The following PSTK variants were observed in gnomAD, a reference collection of about 807,000 sequenced individuals.
PSTK encodes L-seryl-tRNA(Sec) kinase.
PSTK carries 26 observed loss-of-function variants against 38.6 expected under a neutral mutation model. That is an observed-to-expected ratio of 0.67 (90% CI 0.49 to 0.94). PSTK has a LOEUF of 0.94. Among genes scored for constraint, PSTK ranks in the 40% least tolerant of loss-of-function variants. The probability of loss-of-function intolerance (pLI) is 0.00; values close to 1 mark genes in which losing one functional copy is unlikely to be tolerated. For synonymous variants in PSTK, 181 were observed against 161.7 expected (o/e 1.12, Z -0.91); for missense variants, 445 against 436.3 (o/e 1.02, Z -0.18).
chr10:122,988,317 TG>T (rs1037975486), intron 5 of PSTK, among the ~76,000 whole-genome samples: 1 of 151,974 alleles, frequency 6.6e-6, no homozygotes, highest in Non-Finnish European at 1.5e-5. Flanking sequence ...TGGGGGATTG[TG>T]GGGGGTAGGG....
chr10:122,990,242 T>C lies in PSTK; in HGVS notation c.946T>C (p.Leu316=). The part of the protein sequence containing the change: ...EELNKLKAEF[L]EDLKQGNKKY... ...ACTTAACAAGCTCAAAGCAGAGTTT[T>C]TGGAAGACCTAAAACAAGGAAACAA... The change falls in exon 6 of 6, where the codon TTG becomes CTG. Residue 316 remains leucine, a synonymous_variant. Coordinates refer to ENST00000406217, the MANE Select transcript of PSTK (RefSeq NM_001363531.2). 6.5e-7 allele frequency: 1 copy of C among 1,543,268 alleles called. No individual in the cohort carries two copies. The highest frequency in any genetic ancestry group is 2.5e-5 in the East Asian group (1 of 40,678).
chr10:122,982,981 T>C lies in PSTK; in HGVS notation c.465T>C (p.Tyr155=), dbSNP rs1848984881. Residue 155 remains tyrosine (Y), a synonymous_variant, in exon 2 of 6, where the codon TAT becomes TAC. Transcript: ENST00000406217. ...PLFLVLDDNF[Y]YQSMRYEVYQ... ...TTTTGGTTTTGGATGACAATTTTTA[T>C]TATCAGAGTATGAGATATGAAGTCT... 6.2e-7 allele frequency: 1 copy of C among 1,614,110 alleles called. No homozygotes were observed. The highest frequency in any genetic ancestry group is 1.1e-5 in the South Asian group (1 of 91,092).
rs144745223 is a variant in PSTK at position 122,988,773 on chromosome 10, C to T, written c.878-1401C>T. On this transcript the variant is annotated intron_variant, in intron 5 of 5. Transcript: ENST00000406217. ...ATGTTAGGAATGTCAGATGGTACAGCTGCTTTGGAAAACAGCTAGCAGTCC... is the reference window on the plus strand; with the variant it reads ...ATGTTAGGAATGTCAGATGGTACAGTTGCTTTGGAAAACAGCTAGCAGTCC... 1.8e-3 allele frequency among the ~76,000 whole-genome samples: 270 copies of T among 152,290 alleles called. 2 individuals carry two copies. The highest frequency in any genetic ancestry group is 5.2e-3 in the African/African-American group (216 of 41,552).
chr10:122,980,557 C>T lies in PSTK; in HGVS notation c.78C>T (p.Leu26=), dbSNP rs1452602446. The part of the protein sequence containing the change: ...RKRGLCVLCG[L]PAAGKSTFAR... ...GAGGCCTCTGCGTCCTCTGTGGCCT[C>T]CCCGCGGCAGGAAAATCGACTTTCG... The change falls in exon 1 of 6, where the codon CTC becomes CTT. Residue 26 remains leucine (L), a synonymous_variant. Coordinates refer to ENST00000406217, the MANE Select transcript of PSTK (RefSeq NM_001363531.2). This position sits in a 1 kb window ranked among gnomAD's most constrained non-coding sequence, Gnocchi z 4.3. 6.2e-7 allele frequency: 1 copy of T among 1,611,860 alleles called. No individual in the cohort carries two copies. Among genetic ancestry groups the T allele is most frequent in the Non-Finnish European group, 8.5e-7 (1 of 1,179,626 alleles).
rs1564730135 is a variant in PSTK, at chr10:122,983,030, T to C, written c.508+6T>C. 6 of 1,597,192 alleles carry C rather than the reference T, an allele frequency of 3.8e-6. No individual in the cohort carries two copies. Among genetic ancestry groups the C allele is most frequent in the Non-Finnish European group, 5.1e-6 (6 of 1,172,938 alleles). On this transcript the variant is annotated splice_donor_region_variant and intron_variant, in intron 2 of 5. Transcript: ENST00000406217. ...CTACCAGCTGGCTCGGAAATGTAAT[T>C]AAAACTTTTTTTTTCTTACACATGG...
chr10:122,989,654 T>C (rs970180229), intron 5 of PSTK, among the ~76,000 whole-genome samples: 5 of 152,220 alleles, frequency 3.3e-5, no homozygotes, highest in Non-Finnish European at 7.3e-5. Flanking sequence ...ATGGGTAAAC[T>C]GTATGTGAAT....
At chr10:122,987,418 G>C (rs1209932257) in intron 5 of PSTK, 2 of 1,614,154 alleles carry the variant, frequency 1.2e-6, no homozygotes, top group Non-Finnish European at 8.5e-7. Flanking sequence ...ATCATTCTAG[G>C]CAATGAACAC....
At position 122,980,786 on chromosome 10, in the gene PSTK, G is replaced by T; in HGVS notation, c.216+91G>T. 11 of 1,291,098 alleles carry T rather than the reference G, an allele frequency of 8.5e-6. No homozygotes were observed. The highest frequency in any genetic ancestry group is 1.1e-5 in the Non-Finnish European group (11 of 1,025,050). 80.0% of individuals were successfully genotyped at this position (1,291,098 alleles called of 1,614,324 possible). A position where few individuals can be genotyped will look rare whatever the true frequency, so the allele number is the denominator to read the frequency against. The stretch of plus-strand genomic sequence containing the variant: ...CACTCGCGTCCACGCGGTCCTGGGT[G>T]ATTTGCCATGAGCGCCCATTGCTTG... On this transcript the variant is annotated intron_variant, in intron 1 of 5. Transcript: ENST00000406217. This position sits in a 1 kb window ranked among gnomAD's most constrained non-coding sequence, Gnocchi z 4.3.
chr10:122,988,383 A>C (rs547680811), intron 5 of PSTK, among the ~76,000 whole-genome samples: 13 of 152,038 alleles, frequency 8.6e-5, no homozygotes, highest in Admixed American at 2.0e-4. Flanking sequence ...AGATAGAGAG[A>C]GAGCCATATA....
Position 122,980,502 on chromosome 10 carries a change from G to A in PSTK, c.23G>A (p.Arg8Lys). 1 of 1,607,458 alleles carries A rather than the reference G, an allele frequency of 6.2e-7. No individual in the cohort carries two copies. The highest frequency in any genetic ancestry group is 8.5e-7 in the Non-Finnish European group (1 of 1,178,974). ...AGCATGAAGACCGCCGAGAACATCA[G>A]AGGAACCGGCAGCGACGGGCCGCGG... is the stretch of plus-strand genomic sequence containing the variant. MKTAENI[R>K]GTGSDGPRKR... Residue 8 changes from arginine (R) to lysine (K), a missense_variant, in exon 1 of 6, where the codon AGA (arginine) becomes AAA (lysine). By Grantham distance (26) the Arg-to-Lys change is conservative. Transcript: ENST00000406217. This position sits in a 1 kb window ranked among gnomAD's most constrained non-coding sequence, Gnocchi z 4.3.
intron 3 of PSTK, 160 bp from the exon 4 acceptor site, chr10:122,986,140 A>G (rs5010977): frequency 0.66 from 258,807 of 394,966 alleles, 86,767 homozygotes; most frequent in Non-Finnish European, 0.69. Context: ...AGAATGGCGC[A>G]AATCCGGGAA....
Position 122,986,464 on chromosome 10 carries a change from A to T in PSTK, c.783+89A>T, listed in dbSNP as rs148781465. ...GAGCCGAATATAAAATGTGAGTGAA[A>T]CGGGAGATGCGTTGTCATTGGCTTG... On this transcript the variant is annotated intron_variant, in intron 4 of 5. Coordinates refer to ENST00000406217, the MANE Select transcript of PSTK (RefSeq NM_001363531.2). 6,355 of 936,182 alleles carry T rather than the reference A, an allele frequency of 6.8e-3. 34 individuals carry two copies. The highest frequency in any genetic ancestry group is 9.3e-3 in the Non-Finnish European group (5,363 of 576,988). 58.0% of individuals were successfully genotyped at this position (936,182 alleles called of 1,614,324 possible).
rs74159933 is a variant in PSTK at position 122,982,410 on chromosome 10, G to T, written c.217-323G>T. On this transcript the variant is annotated intron_variant, in intron 1 of 5. Coordinates refer to ENST00000406217, the MANE Select transcript of PSTK (RefSeq NM_001363531.2). ...GGACAGTGATCTAGCAGAGAGAGAA[G>T]TGTAAACAAATGCTTAAACTGTGTA... 1.2e-5 allele frequency: 3 copies of T among 254,736 alleles called. No homozygotes were observed. In the Admixed American group the frequency reaches 1.5e-4, roughly 12 times the overall value. The allele number at this position is 254,736 out of a possible 1,614,324, so 15.8% of individuals were successfully genotyped here.
rs1848974700 is a variant in PSTK at position 122,982,551 on chromosome 10, A to G, written c.217-182A>G. 5.0e-6 allele frequency: 3 copies of G among 603,358 alleles called. No individual in the cohort carries two copies. In the Admixed American group the frequency reaches 9.0e-5, roughly 18 times the overall value. The allele number at this position is 603,358 out of a possible 1,614,324, so 37.4% of individuals were successfully genotyped here. On this transcript the variant is annotated intron_variant, in intron 1 of 5. Coordinates refer to ENST00000406217, the MANE Select transcript of PSTK (RefSeq NM_001363531.2). Reference sequence around the variant, plus strand: ...GAAAGCTTTACACAGCACTAGTAACATTAGTTTTCCAGGCAGAAGGAATGG... The same window carrying G: ...GAAAGCTTTACACAGCACTAGTAACGTTAGTTTTCCAGGCAGAAGGAATGG...
rs760274638 is a variant in PSTK at position 122,986,945 on chromosome 10, CAATG to C, written c.863_866del (p.Met288ArgfsTer13). 3 of 1,610,084 alleles carry C rather than the reference CAATG, an allele frequency of 1.9e-6. No homozygotes were observed. The Admixed American group carries it at 5.0e-5, about 27-fold the overall frequency. On this transcript the variant is annotated frameshift_variant, in exon 5 of 6. Coordinates refer to ENST00000406217, the MANE Select transcript of PSTK (RefSeq NM_001363531.2). LOFTEE classifies it high-confidence loss of function. ...ACACTCCGAAGGATTGTATCTCAGACAATGAAGGAAGCAAAAGGTATGATGTGTC... is the reference window on the plus strand; with the variant it reads ...ACACTCCGAAGGATTGTATCTCAGACAAGGAAGCAAAAGGTATGATGTGTC...
At chr10:122,989,558 AGAT>A (rs1218772833) in intron 5 of PSTK, among the ~76,000 whole-genome samples, 1 of 152,066 alleles carries the variant, frequency 6.6e-6, no homozygotes, top group Non-Finnish European at 1.5e-5. Flanking sequence ...TGGGTTTTTG[AGAT>A]GATGAAAATG....
In PSTK at chr10:122,983,018, C is replaced by A. The variant is rs756397701; in HGVS notation, c.502C>A (p.Arg168=). 2 of 1,602,844 alleles carry A rather than the reference C, an allele frequency of 1.2e-6. No homozygotes were observed. The highest frequency in any genetic ancestry group is 1.7e-6 in the Non-Finnish European group (2 of 1,175,198). Residue 168 remains arginine (R), a synonymous_variant, in exon 2 of 6, where the codon CGG becomes AGG. Coordinates refer to ENST00000406217, the MANE Select transcript of PSTK (RefSeq NM_001363531.2). ...GAGATATGAAGTCTACCAGCTGGCT[C>A]GGAAATGTAATTAAAACTTTTTTTT... ...SMRYEVYQLA[R]KYSLGFCQLF...
At chr10:122,989,723 G>C (rs1204555018) in intron 5 of PSTK, among the ~76,000 whole-genome samples, 1 of 152,198 alleles carries the variant, frequency 6.6e-6, no homozygotes, top group South Asian at 2.1e-4. Context: ...CACTGCCCAC[G>C]TGTGGCTATT....
At chr10:122,987,036 G>A in intron 5 of PSTK, 74 bp downstream of exon 5, 1 of 1,022,826 alleles carries the variant, frequency 9.8e-7, no homozygotes, top group East Asian at 2.4e-5. Flanking sequence ...CCGACACTCA[G>A]AGTTTATTAG....
Sources: gnomAD v4.1 joint callset for allele counts (sites outside exome capture counted in the v4.1 genomes callset) on GRCh38, gnomAD v4.1.1 for gene constraint, Gnocchi (gnomAD v3.1) non-coding constraint, MANE v1.5 for transcripts, NCBI Gene and HGNC (gene_info 2026-07-23, HGNC 2026-07-21) for gene names.